Variants in DNM3 observed in about 807,000 individuals in gnomAD.
The protein encoded by DNM3 is dynamin-3.
DNM3 carries 47 observed loss-of-function variants against 101.6 expected under a neutral mutation model. That is an observed-to-expected ratio of 0.46 (90% CI 0.37 to 0.59). The LOEUF (loss-of-function observed/expected upper bound fraction) is 0.59. DNM3 is among the 20% of genes least tolerant of loss of function. The pLI is 0.00. For synonymous variants in DNM3, 385 were observed against 387.9 expected (o/e 0.99, Z 0.09); for missense variants, 849 against 1,085.7 (o/e 0.78, Z 3.06).
At chr1:172,080,722 A>G (rs2053072169) in intron 11 of DNM3, among the ~76,000 whole-genome samples, 1 of 152,120 alleles carries the variant, frequency 6.6e-6, no homozygotes, top group South Asian at 2.1e-4. Context: ...ACAGCCCCCC[A>G]GTTTTGTGCT....
At chr1:171,976,980 A>C (rs189643635) in intron 2 of DNM3, among the ~76,000 whole-genome samples, 1 of 152,124 alleles carries the variant, frequency 6.6e-6, no homozygotes, top group African/African-American at 2.4e-5. Context: ...GATTATTTGA[A>C]TTTTCATGAC....
At chr1:171,965,758 G>C (rs924950512) in intron 2 of DNM3, among the ~76,000 whole-genome samples, 2 of 152,036 alleles carry the variant, frequency 1.3e-5, no homozygotes, top group Non-Finnish European at 2.9e-5. Context: ...AGTTTTTATG[G>C]AGGTTCATTA....
intron 14 of DNM3, among the ~76,000 whole-genome samples, chr1:172,132,618 A>G (rs1157345093): frequency 6.6e-6 from 1 of 152,100 alleles, no homozygotes; most frequent in Non-Finnish European, 1.5e-5. Context: ...TTTCTATTAG[A>G]TATATTTTCC....
chr1:172,000,221 G>A (rs971029777), intron 4 of DNM3, among the ~76,000 whole-genome samples: 1 of 152,042 alleles, frequency 6.6e-6, no homozygotes, highest in African/African-American at 2.4e-5. Flanking sequence ...AGAATCAAGT[G>A]ACTGTGGCAT....
intron 14 of DNM3, among the ~76,000 whole-genome samples, chr1:172,209,401 A>T (rs2060434504): frequency 6.6e-6 from 1 of 151,974 alleles, no homozygotes; most frequent in Non-Finnish European, 1.5e-5. Flanking sequence ...CTAGCAAAAT[A>T]ATACAGGCAC....
At chr1:172,331,476 C>G (rs899237154) in intron 17 of DNM3, among the ~76,000 whole-genome samples, 61 of 151,896 alleles carry the variant, frequency 4.0e-4, no homozygotes, top group African/African-American at 1.5e-3. Context: ...ATTGAAATAC[C>G]AAGATCAGAA....
intron 3 of DNM3, among the ~76,000 whole-genome samples, chr1:171,988,221 A>G (rs1311204067): frequency 2.0e-5 from 3 of 152,152 alleles, no homozygotes; most frequent in Admixed American, 6.5e-5. Flanking sequence ...CCCCCAGACT[A>G]TCGGTAGAAA....
At chr1:172,039,762 C>T (rs1006575680) in intron 7 of DNM3, among the ~76,000 whole-genome samples, 3 of 152,036 alleles carry the variant, frequency 2.0e-5, no homozygotes, top group Non-Finnish European at 4.4e-5. Flanking sequence ...TCTCTTCTAT[C>T]CTTCCCTCCT....
intron 15 of DNM3, among the ~76,000 whole-genome samples, chr1:172,265,752 G>A (rs1490893402): frequency 5.9e-5 from 9 of 152,174 alleles, no homozygotes; most frequent in African/African-American, 1.9e-4. Context: ...CCAGGCAGGC[G>A]TTCAGTTTTA....
intron 14 of DNM3, among the ~76,000 whole-genome samples, chr1:172,228,296 T>C (rs1036012868): frequency 3.9e-5 from 6 of 151,980 alleles, no homozygotes; most frequent in African/African-American, 1.4e-4. Flanking sequence ...TTCTATTTTG[T>C]GGGGAAGGGT....
intron 13 of DNM3, among the ~76,000 whole-genome samples, chr1:172,101,384 T>C (rs910996390): frequency 4.6e-5 from 7 of 152,344 alleles, no homozygotes; most frequent in Middle Eastern, 6.8e-3. Flanking sequence ...AGAAGCAACA[T>C]AGTGCCTTGG....
chr1:172,274,361 G>C (rs369638153), intron 15 of DNM3, among the ~76,000 whole-genome samples: 1 of 152,046 alleles, frequency 6.6e-6, no homozygotes, highest in Non-Finnish European at 1.5e-5. Context: ...GTTTGAGAAG[G>C]ATGTGTGGAA....
chr1:172,112,070 A>G (rs1439762604), intron 13 of DNM3, among the ~76,000 whole-genome samples: 1 of 152,200 alleles, frequency 6.6e-6, no homozygotes, highest in East Asian at 1.9e-4. Context: ...TGGGTGTTTT[A>G]TATCAGGCAG....
At chr1:172,347,195 C>CG (rs962924386) in intron 17 of DNM3, among the ~76,000 whole-genome samples, 3 of 56,868 alleles carry the variant, frequency 5.3e-5, no homozygotes, top group African/African-American at 3.0e-4. Flanking sequence ...CTAGCAGAAG[C>CG]CCCCCCCGCC....
At chr1:172,127,826 C>T (rs993155906) in intron 13 of DNM3, among the ~76,000 whole-genome samples, 1 of 152,134 alleles carries the variant, frequency 6.6e-6, no homozygotes, top group Non-Finnish European at 1.5e-5. Flanking sequence ...ACCATCACCT[C>T]CTTTGACCCT....
intron 20 of DNM3, among the ~76,000 whole-genome samples, chr1:172,396,591 G>C (rs1452627012): frequency 6.6e-6 from 1 of 152,146 alleles, no homozygotes; most frequent in African/African-American, 2.4e-5. Flanking sequence ...AGCTTCTATG[G>C]TAATTTTGAA....
chr1:172,346,227 A>G (rs2066932582), intron 17 of DNM3, among the ~76,000 whole-genome samples: 2 of 152,352 alleles, frequency 1.3e-5, no homozygotes, highest in South Asian at 4.1e-4. Context: ...AGAATCAGGA[A>G]GAAAGCTATG....
intron 15 of DNM3, among the ~76,000 whole-genome samples, chr1:172,286,068 T>TTA (rs143628364): frequency 0.37 from 54,075 of 147,288 alleles, 9,881 homozygotes; most frequent in East Asian, 0.48. Flanking sequence ...AGTGAGTTAT[T>TTA]TATATATATA....
Position 172,343,389 on chromosome 1 carries a change from TA to T in DNM3, c.1893+20060del, listed in dbSNP as rs1030834047. On this transcript the variant is annotated intron_variant, in intron 17 of 20. Coordinates refer to ENST00000627582, the MANE Select transcript of DNM3 (RefSeq NM_015569.5). ...TAGATTATGTCAGTGAAATCCACTT[TA>T]AAAAAAAAAAGTAAAATTCCAGCTG... is the stretch of plus-strand genomic sequence containing the variant. Among the ~76,000 whole-genome samples, 365 of 146,776 alleles carry T rather than the reference TA, an allele frequency of 2.5e-3. 2 individuals are homozygous for T. The highest frequency in any genetic ancestry group is 7.8e-3 in the African/African-American group (316 of 40,268).
Sources: gnomAD v4.1 joint callset for allele counts (sites outside exome capture counted in the v4.1 genomes callset) on GRCh38, gnomAD v4.1.1 for gene constraint, MANE v1.5 for transcripts, NCBI Gene and HGNC (gene_info 2026-07-23, HGNC 2026-07-21) for gene names.